Variants in GPC5 observed in about 807,000 individuals in gnomAD.
GPC5 encodes the protein glypican-5.
Under a neutral mutation model 53.9 loss-of-function variants are expected in GPC5, and 47 were observed. The ratio of observed to expected loss-of-function variants is 0.87; its 90% CI spans 0.69 to 1.11. GPC5 has a LOEUF of 1.11. GPC5 is among the 50% of genes most tolerant of loss of function. The pLI, the probability that GPC5 is intolerant of heterozygous loss-of-function variation, is 0.00. For synonymous variants in GPC5, 286 were observed against 263.3 expected, an observed-to-expected ratio of 1.09 and a Z score of -0.84; for missense variants, 748 against 713.1, an observed-to-expected ratio of 1.05 and a Z score of -0.56.
At chr13:91,982,638 G>A (rs565342149) in intron 6 of GPC5, among the ~76,000 whole-genome samples, 1 of 152,224 alleles carries the variant, frequency 6.6e-6, no homozygotes, top group East Asian at 1.9e-4. Flanking sequence ...GAAGTCAAAG[G>A]AGAATTAGAT....
chr13:92,327,618 T>A (rs1246232162), intron 7 of GPC5, among the ~76,000 whole-genome samples: 1 of 152,140 alleles, frequency 6.6e-6, no homozygotes, highest in Admixed American at 6.6e-5. Context: ...TAATGAGGGC[T>A]GGTGAGGGTC....
intron 2 of GPC5, among the ~76,000 whole-genome samples, chr13:91,556,927 C>A (rs760918224): frequency 1.3e-5 from 2 of 151,922 alleles, no homozygotes; most frequent in African/African-American, 4.8e-5. Flanking sequence ...AAAGAACTTA[C>A]TCATGTAACC....
chr13:92,244,443 G>A (rs2042635746), intron 7 of GPC5, among the ~76,000 whole-genome samples: 1 of 152,106 alleles, frequency 6.6e-6, no homozygotes, highest in Admixed American at 6.6e-5. Context: ...TAAATAGCAT[G>A]GACTAGAGTC....
At chr13:91,586,953 A>T (rs2032621094) in intron 2 of GPC5, among the ~76,000 whole-genome samples, 1 of 152,094 alleles carries the variant, frequency 6.6e-6, no homozygotes. Context: ...GGTATATTAG[A>T]CATGTAGGAA....
chr13:91,964,974 A>G (rs1404163251), intron 6 of GPC5, among the ~76,000 whole-genome samples: 1 of 151,192 alleles, frequency 6.6e-6, no homozygotes, highest in Non-Finnish European at 1.5e-5. Context: ...TGAGCCAACT[A>G]TTGCAAAGAC....
chr13:92,817,780 A>G (rs921192778), intron 7 of GPC5, among the ~76,000 whole-genome samples: 1 of 152,028 alleles, frequency 6.6e-6, no homozygotes, highest in Admixed American at 6.5e-5. Flanking sequence ...CAGTTTTAGT[A>G]TACTTTATAT....
intron 7 of GPC5, among the ~76,000 whole-genome samples, chr13:92,368,281 AG>A (rs1463882659): frequency 6.7e-6 from 1 of 150,044 alleles, no homozygotes; most frequent in African/African-American, 2.4e-5. Flanking sequence ...CACCACTCCC[AG>A]CCCTAAAACC....
At chr13:91,715,817 A>G (rs956146363) in intron 3 of GPC5, among the ~76,000 whole-genome samples, 5 of 146,316 alleles carry the variant, frequency 3.4e-5, no homozygotes, top group African/African-American at 1.3e-4. Flanking sequence ...TGTGTCACCC[A>G]GGCTAGAGTG....
intron 7 of GPC5, among the ~76,000 whole-genome samples, chr13:92,375,014 T>C (rs1323573173): frequency 2.6e-5 from 4 of 152,146 alleles, no homozygotes; most frequent in Non-Finnish European, 5.9e-5. Flanking sequence ...ATATAATACT[T>C]GAGTTCGTTG....
chr13:92,346,100 A>G (rs2043409438), intron 7 of GPC5, among the ~76,000 whole-genome samples: 1 of 152,090 alleles, frequency 6.6e-6, no homozygotes, highest in African/African-American at 2.4e-5. Context: ...ATTTTGGGGA[A>G]GTATAGAGGC....
intron 1 of GPC5, among the ~76,000 whole-genome samples, chr13:91,420,591 G>A (rs1878546004): frequency 2.0e-5 from 3 of 152,108 alleles, no homozygotes; most frequent in Admixed American, 2.0e-4. Flanking sequence ...ATCAATGTAT[G>A]CATTTAATAA....
At chr13:92,747,275 G>A (rs893697700) in intron 7 of GPC5, among the ~76,000 whole-genome samples, 11 of 152,066 alleles carry the variant, frequency 7.2e-5, no homozygotes, top group Non-Finnish European at 1.3e-4. Context: ...TGAGGAAATC[G>A]TTTTAAAGGA....
chr13:92,573,801 G>A (rs1883108325), intron 7 of GPC5, among the ~76,000 whole-genome samples: 1 of 152,040 alleles, frequency 6.6e-6, no homozygotes, highest in South Asian at 2.1e-4. Context: ...CTCCCAATGT[G>A]GACACTGCAT....
intron 7 of GPC5, among the ~76,000 whole-genome samples, chr13:92,703,623 AT>A (rs1010381823): frequency 1.0e-4 from 13 of 129,738 alleles, no homozygotes; most frequent in Middle Eastern, 3.9e-3. Flanking sequence ...TTGATGTATA[AT>A]TTTTTTATAT....
chr13:91,989,939 A>C (rs889131088), intron 6 of GPC5, among the ~76,000 whole-genome samples: 2 of 152,208 alleles, frequency 1.3e-5, no homozygotes, highest in African/African-American at 2.4e-5. Context: ...AGAATTAAAA[A>C]AAACTTCACC....
intron 7 of GPC5, among the ~76,000 whole-genome samples, chr13:92,726,122 G>C (rs544798478): frequency 6.6e-6 from 1 of 151,434 alleles, no homozygotes; most frequent in Non-Finnish European, 1.5e-5. Context: ...CTCCAGAAAA[G>C]AGATGATTTG....
At chr13:91,706,029 C>T (rs986025075) in intron 3 of GPC5, among the ~76,000 whole-genome samples, 11 of 151,600 alleles carry the variant, frequency 7.3e-5, no homozygotes, top group East Asian at 2.0e-4. Flanking sequence ...TATAGGTGTG[C>T]GCCACCATGC....
At chr13:91,728,368 C>T (rs1205205844) in intron 3 of GPC5, among the ~76,000 whole-genome samples, 164 bp from the exon 4 acceptor site, 2 of 151,936 alleles carry the variant, frequency 1.3e-5, no homozygotes, top group East Asian at 3.9e-4. Context: ...ATTTACTTTC[C>T]TCTGTTAGAA....
chr13:92,580,100 G>A (rs1883325272), intron 7 of GPC5, among the ~76,000 whole-genome samples: 1 of 152,190 alleles, frequency 6.6e-6, no homozygotes. Context: ...ACTGCTGTGT[G>A]CAACCTTTGT....
Sources: allele counts gnomAD v4.1 joint callset (sites outside exome capture counted in the v4.1 genomes callset), GRCh38; gene constraint gnomAD v4.1.1; transcripts MANE v1.5; gene names NCBI Gene and HGNC (gene_info 2026-07-23, HGNC 2026-07-21).